MALRD1: variants seen among roughly 807,000 people sequenced by gnomAD.
MALRD1 encodes the protein MAM and LDL-receptor class A domain-containing protein 1.
In MALRD1, 247 loss-of-function variants were observed where a neutral mutation model predicts 242.1. The ratio of observed to expected loss-of-function variants is 1.02; its 90% confidence interval spans 0.92 to 1.13. The LOEUF is 1.13. Ranked by LOEUF, MALRD1 falls within the 50% of genes most tolerant of loss-of-function variation. The probability of loss-of-function intolerance (pLI) is 0.00; values close to 1 mark genes in which losing one functional copy is unlikely to be tolerated. For missense variants in MALRD1, 2,989 were observed against 2,533.1 expected (o/e 1.18, Z -3.86); for synonymous variants, 995 against 866.6 (o/e 1.15, Z -2.60).
At chr10:19,368,873 GTGTGTGTGTGTGTGTGTT>G (rs1352304997) in intron 26 of MALRD1, among the ~76,000 whole-genome samples, 8 of 27,440 alleles carry the variant, frequency 2.9e-4, no homozygotes, top group African/African-American at 1.1e-3. Flanking sequence ...ATTTGTGTAT[GTGTGTGTGTGTGTGTGTT>G]TGTGTGTGTG....
intron 21 of MALRD1, among the ~76,000 whole-genome samples, chr10:19,308,160 C>T (rs1842297290): frequency 6.6e-6 from 1 of 151,432 alleles, no homozygotes; most frequent in Non-Finnish European, 1.5e-5. Context: ...CATTAACTAT[C>T]CCTACATTTC....
intron 2 of MALRD1, among the ~76,000 whole-genome samples, chr10:19,075,496 G>C (rs1171402791): frequency 6.6e-6 from 1 of 152,046 alleles, no homozygotes; most frequent in Non-Finnish European, 1.5e-5. Flanking sequence ...TGGAAATGAA[G>C]AAAGGGGATC....
At chr10:19,337,187 A>G (rs1843651004) in intron 24 of MALRD1, among the ~76,000 whole-genome samples, 1 of 152,120 alleles carries the variant, frequency 6.6e-6, no homozygotes, top group African/African-American at 2.4e-5. Context: ...ATGTGTATAT[A>G]AGTAAGCTAG....
At chr10:19,531,048 G>A in intron 31 of MALRD1, 146 bp from the exon 32 acceptor site, 1 of 619,366 alleles carries the variant, frequency 1.6e-6, no homozygotes, top group Non-Finnish European at 2.6e-6. Context: ...AAATGTTATT[G>A]ATATATGACT....
intron 36 of MALRD1, among the ~76,000 whole-genome samples, chr10:19,676,469 T>A (rs973782112): frequency 6.6e-6 from 1 of 152,108 alleles, no homozygotes; most frequent in African/African-American, 2.4e-5. Context: ...AACCTACAAG[T>A]TTTTTAATAT....
At chr10:19,311,666 C>T (rs1184206788) in intron 21 of MALRD1, among the ~76,000 whole-genome samples, 4 of 151,382 alleles carry the variant, frequency 2.6e-5, no homozygotes, top group Middle Eastern at 3.4e-3. Flanking sequence ...TGTTTCAAAG[C>T]TCAGGGTAGA....
chr10:19,383,807 A>G (rs371508401), intron 26 of MALRD1, among the ~76,000 whole-genome samples: 86 of 151,888 alleles, frequency 5.7e-4, no homozygotes, highest in Admixed American at 5.4e-3. Context: ...AATAGATACT[A>G]GATGCTAAGC....
intron 36 of MALRD1, among the ~76,000 whole-genome samples, chr10:19,679,479 G>A (rs1805588322): frequency 6.6e-6 from 1 of 152,100 alleles, no homozygotes; most frequent in Admixed American, 6.6e-5. Flanking sequence ...ATGATTGTTT[G>A]TATTTCTGTG....
intron 2 of MALRD1, among the ~76,000 whole-genome samples, chr10:19,076,180 G>C (rs1367368193): frequency 6.6e-6 from 1 of 151,904 alleles, no homozygotes; most frequent in Admixed American, 6.6e-5. Flanking sequence ...TTAAGGATCT[G>C]TCTTCCATTA....
chr10:19,263,593 CTTG>C (rs1352058171), intron 19 of MALRD1, among the ~76,000 whole-genome samples: 3 of 151,870 alleles, frequency 2.0e-5, no homozygotes, highest in South Asian at 2.1e-4. Flanking sequence ...AATACTTTCT[CTTG>C]TTGTGATTTT....
chr10:19,318,515 G>C (rs1210385071), intron 21 of MALRD1, among the ~76,000 whole-genome samples: 1 of 150,136 alleles, frequency 6.7e-6, no homozygotes, highest in Non-Finnish European at 1.5e-5. Context: ...GTTACCTTAG[G>C]GTTTTTTTTT....
intron 2 of MALRD1, among the ~76,000 whole-genome samples, chr10:19,087,211 A>G (rs938823694): frequency 3.9e-5 from 6 of 152,028 alleles, no homozygotes; most frequent in Non-Finnish European, 5.9e-5. Flanking sequence ...TCTTCATCGA[A>G]TTGCTTATTT....
chr10:19,504,249 G>A (rs140833340), intron 31 of MALRD1, among the ~76,000 whole-genome samples: 5 of 152,214 alleles, frequency 3.3e-5, no homozygotes, highest in South Asian at 2.1e-4. Flanking sequence ...TAGCAAAGCC[G>A]GAGTGGAAAC....
At chr10:19,107,268 C>T (rs1251335859) in intron 5 of MALRD1, among the ~76,000 whole-genome samples, 3 of 151,902 alleles carry the variant, frequency 2.0e-5, no homozygotes. Flanking sequence ...CTATCTATTT[C>T]TATACATCTA....
chr10:19,357,316 A>G (rs540674762), intron 26 of MALRD1, among the ~76,000 whole-genome samples: 1 of 152,198 alleles, frequency 6.6e-6, no homozygotes, highest in Admixed American at 6.5e-5. Flanking sequence ...CTTAAGAATT[A>G]AAAGAGGTAA....
At chr10:19,320,535 G>T (rs919043178) in intron 21 of MALRD1, among the ~76,000 whole-genome samples, 1 of 152,068 alleles carries the variant, frequency 6.6e-6, no homozygotes, top group Non-Finnish European at 1.5e-5. Flanking sequence ...AAACATACAT[G>T]TGCATGTGTC....
intron 11 of MALRD1, among the ~76,000 whole-genome samples, chr10:19,151,789 A>T (rs1833955048): frequency 1.3e-5 from 2 of 152,162 alleles, no homozygotes; most frequent in Non-Finnish European, 2.9e-5. Context: ...TGATTGTCAG[A>T]TTATCTTTTT....
chr10:19,522,553 A>G (rs1833928949), intron 31 of MALRD1, among the ~76,000 whole-genome samples: 1 of 152,156 alleles, frequency 6.6e-6, no homozygotes, highest in Non-Finnish European at 1.5e-5. Context: ...TTTCAGTGGT[A>G]GTACCCCATT....
rs998747491 is a variant in MALRD1 at position 19,347,944 on chromosome 10, T to A, written c.4075T>A (p.Leu1359Met). ...TGGTCATTACATCTTTATAAAGAGT[T>A]TGTTTCCTCAGCAGCCCATGAGAGC... is the stretch of plus-strand genomic sequence containing the variant. ...SSGHYIFIKS[L>M]FPQQPMRAAR... Residue 1359 changes from leucine to methionine, a missense_variant, in exon 25 of 40, where the codon TTG becomes ATG. Physicochemically the swap from Leu to Met is conservative, Grantham distance 15 (BLOSUM62 2). Transcript: ENST00000454679. The A allele has an allele frequency of 5.8e-6, 9 of 1,550,252 alleles. No individual in the cohort carries two copies. Among genetic ancestry groups the A allele is most frequent in the African/African-American group, 1.4e-5 (1 of 73,020 alleles).
Sources: gnomAD v4.1 joint callset for allele counts (sites outside exome capture counted in the v4.1 genomes callset) on GRCh38, gnomAD v4.1.1 for gene constraint, MANE v1.5 for transcripts, NCBI Gene and HGNC (gene_info 2026-07-23, HGNC 2026-07-21) for gene names.